Variants in KDM3A observed in about 807,000 individuals in gnomAD.
KDM3A encodes the protein lysine demethylase 3A.
KDM3A carries 60 observed loss-of-function variants against 158.0 expected under a neutral mutation model. The ratio of observed to expected loss-of-function variants is 0.38; its 90% CI spans 0.31 to 0.47. The LOEUF is 0.47. KDM3A is among the 20% of genes least tolerant of loss of function. The probability of loss-of-function intolerance (pLI) is 0.99; values close to 1 mark genes in which losing one functional copy is unlikely to be tolerated. For synonymous variants in KDM3A, 608 were observed against 549.3 expected (o/e 1.11, Z -1.49); for missense variants, 1,319 against 1,574.3 (o/e 0.84, Z 2.74).
intron 8 of KDM3A, 39 bp from the exon 9 acceptor site, chr2:86,464,014 G>T: frequency 2.1e-6 from 3 of 1,422,092 alleles, no homozygotes; most frequent in Non-Finnish European, 2.8e-6. Context: ...TCCTAACTAG[G>T]GACTTCCTTT....
At chr2:86,446,396 C>T (rs912560418) in intron 2 of KDM3A, among the ~76,000 whole-genome samples, 26 of 152,168 alleles carry the variant, frequency 1.7e-4, no homozygotes, top group Non-Finnish European at 2.2e-4. Context: ...CACTTTAGTT[C>T]TTACTGAATT....
intron 15 of KDM3A, chr2:86,479,339 A>G (rs1038580826): frequency 1.9e-4 from 29 of 152,234 alleles, no homozygotes; most frequent in African/African-American, 6.3e-4. Context: ...TTACATTTCT[A>G]TAAAGCTGTG....
At chr2:86,437,147 CT>C (rs112429205), upstream of KDM3A, among the ~76,000 whole-genome samples, 64 of 147,752 alleles carry the variant, frequency 4.3e-4, no homozygotes, top group African/African-American at 9.6e-4. Context: ...ACATTATATA[CT>C]TTTTTTTTTT....
In KDM3A at chr2:86,466,566, A is replaced by C. The variant is rs771597032; in HGVS notation, c.1202A>C (p.Asn401Thr). The C allele has an allele frequency of 6.2e-7, 1 of 1,613,982 alleles. No homozygotes were observed. Among genetic ancestry groups the C allele is most frequent in the South Asian group, 1.1e-5 (1 of 91,084 alleles). ...CCTAAGACAAACACTGATCAGGAAA[A>C]CAGATTGGAGTCTGTTCCACAAGCA... Reference protein sequence around the residue: ...TQPKTNTDQENRLESVPQALT... With the variant: ...TQPKTNTDQETRLESVPQALT... Residue 401 changes from asparagine to threonine, a missense_variant, in exon 10 of 26, where the codon AAC becomes ACC. This residue lies in a region of KDM3A where 652 missense variants were observed against 627.2 expected (regional missense o/e 1.04). Coordinates refer to ENST00000312912, the MANE Select transcript of KDM3A (RefSeq NM_018433.6).
At chr2:86,488,794 G>A (rs1674312063) in intron 21 of KDM3A, 1 of 154,900 alleles carries the variant, frequency 6.5e-6, no homozygotes, top group African/African-American at 2.4e-5. Context: ...CAAGGAATTA[G>A]CCACAGACTG....
intron 8 of KDM3A, among the ~76,000 whole-genome samples, chr2:86,461,144 G>T (rs187903992): frequency 6.6e-6 from 1 of 152,138 alleles, no homozygotes; most frequent in African/African-American, 2.4e-5. Flanking sequence ...AAAGTGCTAG[G>T]AAGTGTTAGA....
intron 3 of KDM3A, among the ~76,000 whole-genome samples, chr2:86,450,238 G>T (rs1672386167): frequency 6.6e-6 from 1 of 152,160 alleles, no homozygotes; most frequent in Non-Finnish European, 1.5e-5. Flanking sequence ...GTTTGGTTTG[G>T]CCCTTGCAGT....
rs1238708731 is a variant in KDM3A at position 86,489,356 on chromosome 2, A to G, written c.3352A>G (p.Asn1118Asp). 1 of 1,613,972 alleles carries G rather than the reference A, an allele frequency of 6.2e-7. No homozygotes were observed. ...TPEDRKYGTT[N>D]LHLDVSDAAN... The stretch of plus-strand genomic sequence containing the variant: ...TGAAGATCGGAAATATGGAACAACA[A>G]ATCTTCACTTAGATGTATCTGATGC... The change falls in exon 22 of 26, where the codon AAT (asparagine) becomes GAT (aspartate). Residue 1118 changes from asparagine to aspartate, a missense_variant. Around this residue, in one of 4 missense-constraint regions of KDM3A, gnomAD observed 186 missense variants for 340.9 expected, o/e 0.55. Coordinates refer to ENST00000312912, the MANE Select transcript of KDM3A (RefSeq NM_018433.6).
In KDM3A at chr2:86,449,915, C is replaced by G; in HGVS notation, c.295C>G (p.Arg99Gly). 6.2e-7 allele frequency: 1 copy of G among 1,613,746 alleles called. No individual in the cohort carries two copies. Among genetic ancestry groups the G allele is most frequent in the Non-Finnish European group, 8.5e-7 (1 of 1,179,806 alleles). Residue 99 changes from arginine (R) to glycine (G), a missense_variant, in exon 3 of 26, where the codon CGA becomes GGA. Arg to Gly is a moderately radical substitution (Grantham distance 125). Around this residue, in one of 4 missense-constraint regions of KDM3A, gnomAD observed 652 missense variants for 627.2 expected, o/e 1.04. Transcript: ENST00000312912. Reference protein sequence around the residue: ...LVEHNLVLAERKSPEISERIV... With the variant: ...LVEHNLVLAEGKSPEISERIV... The stretch of plus-strand genomic sequence containing the variant: ...AGAACATAATTTGGTTTTAGCTGAA[C>G]GAAAGTCACCTGAAATTTCTGAACG...
intron 2 of KDM3A, among the ~76,000 whole-genome samples, chr2:86,449,458 T>G (rs1275774320): frequency 6.6e-6 from 1 of 152,196 alleles, no homozygotes; most frequent in Non-Finnish European, 1.5e-5. Context: ...GAGTTTCAAA[T>G]TTTTGTCTTG....
chr2:86,479,900 A>G, intron 15 of KDM3A: 1 of 457,902 alleles, frequency 2.2e-6, no homozygotes, highest in Non-Finnish European at 4.0e-6. Flanking sequence ...TACATAGAGT[A>G]ATAGGGATAT....
chr2:86,445,025 T>C (rs1285145398), intron 2 of KDM3A, among the ~76,000 whole-genome samples: 1 of 152,232 alleles, frequency 6.6e-6, no homozygotes, highest in East Asian at 1.9e-4. Context: ...ACAAATATCC[T>C]AGATGGTAAA....
At chr2:86,464,332 A>T in intron 9 of KDM3A, 116 bp downstream of exon 9, 1 of 661,552 alleles carries the variant, frequency 1.5e-6, no homozygotes, top group Non-Finnish European at 2.4e-6. Flanking sequence ...GTTTCTGAGA[A>T]AAGATGGATA....
chr2:86,486,033 C>CA (rs5832684), intron 21 of KDM3A, among the ~76,000 whole-genome samples, 174 bp downstream of exon 21: 120,397 of 152,110 alleles, frequency 0.79, 47,998 homozygotes, highest in East Asian at 0.96. Context: ...TTGTGTGTTT[C>CA]TTTTCATAGT....
chr2:86,491,478 ATTG>A (rs915092732), intron 25 of KDM3A: 9 of 577,910 alleles, frequency 1.6e-5, no homozygotes, highest in Non-Finnish European at 2.8e-5. Flanking sequence ...TTGATTTGAT[ATTG>A]TTTAGAATCT....
At chr2:86,456,955 C>G in intron 7 of KDM3A, 28 bp from the exon 8 acceptor site, 1 of 1,575,424 alleles carries the variant, frequency 6.3e-7, no homozygotes, top group South Asian at 1.1e-5. Flanking sequence ...ACAGGGAAGC[C>G]AACTTAACCT....
chr2:86,471,253 GTGTGTATATATA>G (rs1449217204), intron 11 of KDM3A, among the ~76,000 whole-genome samples: 5 of 151,088 alleles, frequency 3.3e-5, no homozygotes, highest in Non-Finnish European at 7.4e-5. Context: ...GTGAATATAT[GTGTGTATATATA>G]TGTGTATATA....
At chr2:86,448,805 A>G (rs971964965) in intron 2 of KDM3A, among the ~76,000 whole-genome samples, 4 of 152,226 alleles carry the variant, frequency 2.6e-5, no homozygotes, top group African/African-American at 7.2e-5. Context: ...TTTTAAATCA[A>G]ATAAAAACAG....
At chr2:86,479,516 T>G (rs1673821564) in intron 15 of KDM3A, 1 of 152,186 alleles carries the variant, frequency 6.6e-6, no homozygotes, top group Non-Finnish European at 1.5e-5. Context: ...GAAGCAATAT[T>G]GATGATTGGG....
Sources: gnomAD v4.1 joint callset for allele counts (sites outside exome capture counted in the v4.1 genomes callset) on GRCh38, gnomAD v4.1.1 for gene constraint, gnomAD v4.1.1 regional missense constraint, MANE v1.5 for transcripts, NCBI Gene and HGNC (gene_info 2026-07-23, HGNC 2026-07-21) for gene names.